Variants in BABAM2 observed in about 807,000 individuals in gnomAD.
BABAM2 encodes the protein BRISC and BRCA1 A complex member 2.
BABAM2 carries 31 observed loss-of-function variants against 54.7 expected under a neutral mutation model. That is an observed-to-expected ratio of 0.57 (90% CI 0.43 to 0.77). The LOEUF (loss-of-function observed/expected upper bound fraction) is 0.77, where lower values mean the gene tolerates loss of function less well. BABAM2 is among the 30% of genes least tolerant of loss of function. The probability of loss-of-function intolerance (pLI) is 0.00; values close to 1 mark genes in which losing one functional copy is unlikely to be tolerated. For synonymous variants in BABAM2, 167 were observed against 162.9 expected (o/e 1.03, Z -0.19); for missense variants, 364 against 455.8 (o/e 0.80, Z 1.83).
At chr2:28,025,541 G>A (rs1324903464) in intron 5 of BABAM2, 121 bp downstream of exon 5, 1 of 976,106 alleles carries the variant, frequency 1.0e-6, no homozygotes, top group Non-Finnish European at 1.4e-6. Context: ...TAGCCTATAT[G>A]TTTCTCATAA....
intron 10 of BABAM2, among the ~76,000 whole-genome samples, chr2:28,274,689 C>T (rs1436678897): frequency 1.3e-5 from 2 of 152,104 alleles, no homozygotes; most frequent in African/African-American, 4.8e-5. Flanking sequence ...GCGCCTGGCC[C>T]GGTGTTAGGC....
At chr2:27,959,398 A>G (rs929227402) in intron 3 of BABAM2, among the ~76,000 whole-genome samples, 1 of 152,226 alleles carries the variant, frequency 6.6e-6, no homozygotes, top group African/African-American at 2.4e-5. Flanking sequence ...GGATAAAAGA[A>G]CAGTAGTTTC....
chr2:28,147,723 TC>T (rs1413793194), intron 7 of BABAM2, among the ~76,000 whole-genome samples: 1 of 152,206 alleles, frequency 6.6e-6, no homozygotes, highest in African/African-American at 2.4e-5. Flanking sequence ...TCCACCCGTC[TC>T]GGCCTCCCAA....
chr2:28,300,131 G>GT (rs1687992815), intron 11 of BABAM2, among the ~76,000 whole-genome samples: 1 of 152,076 alleles, frequency 6.6e-6, no homozygotes, highest in South Asian at 2.1e-4. Flanking sequence ...TAGAGATGGG[G>GT]TTTTGCTATG....
chr2:28,033,689 G>A (rs1272888802), intron 5 of BABAM2, among the ~76,000 whole-genome samples: 1 of 151,852 alleles, frequency 6.6e-6, no homozygotes, highest in Admixed American at 6.6e-5. Flanking sequence ...CAAACACAGT[G>A]TTTATTAATT....
intron 7 of BABAM2, among the ~76,000 whole-genome samples, chr2:28,142,445 T>C (rs1221668798): frequency 6.6e-6 from 1 of 152,188 alleles, no homozygotes; most frequent in African/African-American, 2.4e-5. Flanking sequence ...GCCAAACCAT[T>C]AATTTGAAGA....
chr2:28,046,158 G>A (rs1677548221), intron 6 of BABAM2, among the ~76,000 whole-genome samples: 8 of 152,136 alleles, frequency 5.3e-5, no homozygotes, highest in Admixed American at 4.6e-4. Context: ...CACTGCCTTC[G>A]AGGTTCTGGC....
Position 27,929,868 on chromosome 2 carries a change from A to T in BABAM2, c.165A>T (p.Arg55=), listed in dbSNP as rs377112382. The change falls in exon 3 of 12, where the codon CGA becomes CGT. Residue 55 remains arginine, a synonymous_variant. Transcript: ENST00000379624. ...TSLTPGPNCD[R]FKLHIPYAGE... Reference sequence around the variant, plus strand: ...TGACTCCTGGGCCCAACTGTGACCGATTTAAACTGCACATACCATATGCTG... The same window carrying T: ...TGACTCCTGGGCCCAACTGTGACCGTTTTAAACTGCACATACCATATGCTG... The T allele has an allele frequency of 1.9e-5, 31 of 1,613,750 alleles. No individual in the cohort carries two copies. Among genetic ancestry groups the T allele is most frequent in the Non-Finnish European group, 2.4e-5 (28 of 1,179,776 alleles).
chr2:28,208,438 A>G (rs1679107181), intron 7 of BABAM2, among the ~76,000 whole-genome samples: 1 of 152,192 alleles, frequency 6.6e-6, no homozygotes, highest in African/African-American at 2.4e-5. Flanking sequence ...AGTTTGCACA[A>G]CTTAGAATCA....
At chr2:28,239,926 T>G (rs1682257945) in intron 8 of BABAM2, among the ~76,000 whole-genome samples, 1 of 152,148 alleles carries the variant, frequency 6.6e-6, no homozygotes. Context: ...TGTTGTCACC[T>G]TAGCCAAGTG....
chr2:27,966,514 A>G (rs1434597932), intron 3 of BABAM2, among the ~76,000 whole-genome samples: 1 of 152,192 alleles, frequency 6.6e-6, no homozygotes, highest in African/African-American at 2.4e-5. Context: ...ATGGCTCTTC[A>G]GGTCTTGTTG....
At chr2:28,076,586 C>T (rs1208333301) in intron 6 of BABAM2, among the ~76,000 whole-genome samples, 1 of 152,028 alleles carries the variant, frequency 6.6e-6, no homozygotes, top group African/African-American at 2.4e-5. Flanking sequence ...AGCTCTGCCT[C>T]CCGGGTTCGT....
chr2:28,231,544 A>G (rs970037618), intron 7 of BABAM2, among the ~76,000 whole-genome samples: 1 of 152,034 alleles, frequency 6.6e-6, no homozygotes, highest in African/African-American at 2.4e-5. Flanking sequence ...TCAACTTCCA[A>G]CGGCTCCTGA....
intron 10 of BABAM2, among the ~76,000 whole-genome samples, chr2:28,260,414 G>A (rs1337741047): frequency 2.1e-5 from 3 of 144,484 alleles, no homozygotes; most frequent in Admixed American, 7.2e-5. Flanking sequence ...TGATTCTCCT[G>A]CGTTAGCCTC....
intron 7 of BABAM2, among the ~76,000 whole-genome samples, chr2:28,207,244 C>G (rs1678937779): frequency 6.6e-6 from 1 of 152,062 alleles, no homozygotes; most frequent in African/African-American, 2.4e-5. Context: ...TGGCTCACAC[C>G]TGTAATCCCA....
At chr2:28,302,607 G>T (rs887384705) in intron 11 of BABAM2, among the ~76,000 whole-genome samples, 5 of 152,034 alleles carry the variant, frequency 3.3e-5, no homozygotes, top group Non-Finnish European at 7.4e-5. Context: ...CTTTCTTCAG[G>T]TAAATACTTG....
Position 27,946,673 on chromosome 2 carries a change from GAA to G in BABAM2, c.205+16766_205+16767del, listed in dbSNP as rs1402019046. On this transcript the variant is annotated intron_variant, in intron 3 of 11. Coordinates refer to ENST00000379624, the MANE Select transcript of BABAM2 (RefSeq NM_199191.3). ...GGCGAGAGAGAGAGGAGAGAGGAGAGAAGAGAGAGGAGAGGAGAGGAGAAGAG... is the reference window on the plus strand; with the variant it reads ...GGCGAGAGAGAGAGGAGAGAGGAGAGGAGAGAGGAGAGGAGAGGAGAAGAG... 2.0e-5 allele frequency among the ~76,000 whole-genome samples: 3 copies of G among 151,916 alleles called. No homozygotes were observed. In the East Asian group the frequency reaches 5.8e-4, roughly 29 times the overall value.
In BABAM2 at chr2:28,133,994, T is replaced by C. The variant is rs1404847661; in HGVS notation, c.680+4614T>C. Among the ~76,000 whole-genome samples, 4 of 152,152 alleles carry C rather than the reference T, an allele frequency of 2.6e-5. No individual in the cohort carries two copies. The East Asian group carries it at 7.7e-4, about 29-fold the overall frequency. On this transcript the variant is annotated intron_variant, in intron 7 of 11. Coordinates refer to ENST00000379624, the MANE Select transcript of BABAM2 (RefSeq NM_199191.3). ...GCCCTTACGATGCTTAGATGCATAT[T>C]GTTTACCGGTCTCCCACTGCGCATT...
At chr2:28,027,870 T>C (rs948597656) in intron 5 of BABAM2, among the ~76,000 whole-genome samples, 2 of 152,258 alleles carry the variant, frequency 1.3e-5, no homozygotes, top group African/African-American at 4.8e-5. Context: ...TTTTTTACTT[T>C]GCTCCACATG....
Sources: gnomAD v4.1 joint callset for allele counts (sites outside exome capture counted in the v4.1 genomes callset) on GRCh38, gnomAD v4.1.1 for gene constraint, MANE v1.5 for transcripts, NCBI Gene and HGNC (gene_info 2026-07-23, HGNC 2026-07-21) for gene names.